PARVG: variants seen among roughly 807,000 people sequenced by gnomAD.
PARVG encodes parvin gamma.
Under a neutral mutation model 44.4 loss-of-function variants are expected in PARVG, and 36 were observed. The observed-to-expected ratio is 0.81, with a 90% confidence interval of 0.62 to 1.07. The LOEUF (loss-of-function observed/expected upper bound fraction) is 1.07. Among genes scored for constraint, PARVG ranks in the 50% least tolerant of loss-of-function variants. The pLI is 0.00. For missense variants in PARVG, 407 were observed against 407.4 expected (o/e 1.00, Z 0.01); for synonymous variants, 170 against 174.1 (o/e 0.98, Z 0.19).
At chr22:44,186,913 T>G (rs760320749) in intron 4 of PARVG, 3 of 323,334 alleles carry the variant, frequency 9.3e-6, no homozygotes, top group African/African-American at 2.2e-5. Flanking sequence ...CCCGACAACC[T>G]CCTGACAACC....
intron 4 of PARVG, 105 bp downstream of exon 4, chr22:44,185,977 A>G: frequency 2.6e-6 from 3 of 1,151,576 alleles, no homozygotes; most frequent in Non-Finnish European, 3.7e-6. Context: ...CCTTGGCCTC[A>G]GGCTGGGGGG....
At chr22:44,199,259 A>G (rs1173964576) in intron 12 of PARVG, among the ~76,000 whole-genome samples, 4 of 151,580 alleles carry the variant, frequency 2.6e-5, no homozygotes, top group African/African-American at 4.9e-5. Context: ...TAGGAAGTTT[A>G]TCTATATGTC....
chr22:44,193,177 A>C (rs2054572323), intron 8 of PARVG, among the ~76,000 whole-genome samples: 1 of 152,204 alleles, frequency 6.6e-6, no homozygotes, highest in Non-Finnish European at 1.5e-5. Flanking sequence ...CTGGACCTAC[A>C]GAACTTCTCT....
chr22:44,181,846 C>T lies in PARVG; in HGVS notation c.-84C>T. ...AGACCCCAGAAGAACCCGGAACTTG[C>T]TTCCATTCGGAATCCAGGGACCACC... is the stretch of plus-strand genomic sequence containing the variant. On this transcript the variant is annotated 5_prime_UTR_variant, in exon 2 of 14. Transcript: ENST00000444313. 8.1e-6 allele frequency: 8 copies of T among 985,516 alleles called. No homozygotes were observed. Among genetic ancestry groups the T allele is most frequent in the Non-Finnish European group, 9.6e-6 (8 of 829,986 alleles). 61.0% of individuals were successfully genotyped at this position (985,516 alleles called of 1,614,324 possible). A position where few individuals can be genotyped will look rare whatever the true frequency, so the allele number is the denominator to read the frequency against.
intron 1 of PARVG, among the ~76,000 whole-genome samples, chr22:44,175,521 G>A (rs1342254775): frequency 6.6e-6 from 1 of 152,256 alleles, no homozygotes; most frequent in South Asian, 2.1e-4. Context: ...CCACTCTTTG[G>A]GGTTTAAATT....
intron 12 of PARVG, among the ~76,000 whole-genome samples, chr22:44,201,655 G>A (rs2054710812): frequency 6.6e-6 from 1 of 152,208 alleles, no homozygotes; most frequent in Non-Finnish European, 1.5e-5. Context: ...CAAACGTGCT[G>A]CTTAACAAAC....
At chr22:44,174,546 AAAAC>A (rs1169487527) in intron 1 of PARVG, among the ~76,000 whole-genome samples, 2 of 134,218 alleles carry the variant, frequency 1.5e-5, no homozygotes, top group Non-Finnish European at 3.2e-5. Flanking sequence ...GTCTCCGCTA[AAAAC>A]AAACAAACAA....
At chr22:44,195,534 G>A (rs928819569) in intron 9 of PARVG, among the ~76,000 whole-genome samples, 4 of 152,226 alleles carry the variant, frequency 2.6e-5, no homozygotes, top group East Asian at 1.9e-4. Context: ...ATGGGCACCC[G>A]AGGCTGGACC....
At chr22:44,206,138 G>C (rs1378472416) in intron 13 of PARVG, among the ~76,000 whole-genome samples, 179 bp from the exon 14 acceptor site, 1 of 152,102 alleles carries the variant, frequency 6.6e-6, no homozygotes, top group East Asian at 1.9e-4. Flanking sequence ...CCAGGAGGAG[G>C]AGGCAGTCAC....
Position 44,182,040 on chromosome 22 carries a change from C to G in PARVG, c.-13+123C>G. On this transcript the variant is annotated intron_variant, in intron 2 of 13. Coordinates refer to ENST00000444313, the MANE Select transcript of PARVG (RefSeq NM_022141.7). This position sits in a 1 kb window ranked among gnomAD's most constrained non-coding sequence, Gnocchi z 4.6. ...GCCCAGGCCACCCGGGGAAGGGAGT[C>G]GGTAAAGTGGGACCTTGAGTCCCCA... 1.2e-6 allele frequency: 1 copy of G among 811,648 alleles called. No homozygotes were observed. Among genetic ancestry groups the G allele is most frequent in the Non-Finnish European group, 1.5e-6 (1 of 671,454 alleles). 50.3% of individuals were successfully genotyped at this position (811,648 alleles called of 1,614,324 possible). A position where few individuals can be genotyped will look rare whatever the true frequency, so the allele number is the denominator to read the frequency against.
At chr22:44,186,661 T>A (rs1399511222) in intron 4 of PARVG, 3 of 470,994 alleles carry the variant, frequency 6.4e-6, no homozygotes, top group Non-Finnish European at 1.3e-5. Flanking sequence ...TGACATGTCG[T>A]CTCAGCTCGG....
At chr22:44,201,849 C>T (rs764285738) in intron 12 of PARVG, among the ~76,000 whole-genome samples, 8 of 152,224 alleles carry the variant, frequency 5.3e-5, no homozygotes, top group African/African-American at 9.6e-5. Context: ...CTTCTGGGAC[C>T]AGCAGCTGGC....
rs1014956160 is a variant in PARVG at position 44,181,015 on chromosome 22, C to G, written c.-359C>G. ...GAACCCTGCTATGCCTTTGCATACGCTGTTTTCTCCACCTGCCACGTTCTC... is the reference window on the plus strand; with the variant it reads ...GAACCCTGCTATGCCTTTGCATACGGTGTTTTCTCCACCTGCCACGTTCTC... On this transcript the variant is annotated 5_prime_UTR_variant, in exon 1 of 14. Transcript: ENST00000444313. The G allele has an allele frequency of 5.1e-6, 5 of 978,478 alleles. No individual in the cohort carries two copies. Among genetic ancestry groups the G allele is most frequent in the African/African-American group, 1.8e-5 (1 of 57,066 alleles). The allele number at this position is 978,478 out of a possible 1,614,324, so 60.6% of individuals were successfully genotyped here.
At position 44,207,406 on chromosome 22, in the gene PARVG, CGGGTGAGGCTGGCGGGGAG is replaced by C. The variant is rs1266934123; in HGVS notation, c.*993_*1011del. On this transcript the variant is annotated 3_prime_UTR_variant, in exon 14 of 14. Transcript: ENST00000444313. ...GCGGGGAGGGGAGGGTTTGTGGGGA[CGGGTGAGGCTGGCGGGGAG>C]GGGTGAGGCTGGTGGGGAGGGCTGG... 3 of 14,724 alleles carry C rather than the reference CGGGTGAGGCTGGCGGGGAG, an allele frequency of 2.0e-4. No individual in the cohort carries two copies. The highest frequency in any genetic ancestry group is 2.5e-3 in the East Asian group (1 of 402). The allele number at this position is 14,724 out of a possible 1,614,324, so 0.9% of individuals were successfully genotyped here. A position where few individuals can be genotyped will look rare whatever the true frequency, so the allele number is the denominator to read the frequency against.
upstream of PARVG, among the ~76,000 whole-genome samples, chr22:44,179,341 T>TACATCA (rs1412828165): frequency 6.6e-6 from 1 of 152,236 alleles, no homozygotes; most frequent in East Asian, 1.9e-4. This position sits in a 1 kb window ranked among gnomAD's most constrained non-coding sequence, Gnocchi z 4.2. Context: ...ATCTGATTCT[T>TACATCA]ACATCAGCCC....
intron 12 of PARVG, among the ~76,000 whole-genome samples, chr22:44,201,903 C>T (rs2147239807): frequency 6.6e-6 from 1 of 152,344 alleles, no homozygotes; most frequent in East Asian, 1.9e-4. Context: ...CATGAGAGAC[C>T]AGGCAGAAGG....
At chr22:44,187,932 G>T in intron 5 of PARVG, 54 bp downstream of exon 5, 1 of 1,580,846 alleles carries the variant, frequency 6.3e-7, no homozygotes, top group Non-Finnish European at 8.7e-7. Context: ...CCCTGACCTG[G>T]CCCCTCCAGG....
chr22:44,181,219 C>T, intron 1 of PARVG, 34 bp downstream of exon 1: 1 of 572,432 alleles, frequency 1.7e-6, no homozygotes, highest in Non-Finnish European at 2.2e-6. Flanking sequence ...ACAGACCACG[C>T]ACAGCCTGGA....
intron 6 of PARVG, 30 bp from the exon 7 acceptor site, chr22:44,190,521 G>C (rs757705485): frequency 1.3e-6 from 2 of 1,577,256 alleles, no homozygotes; most frequent in African/African-American, 1.3e-5. Flanking sequence ...CGGCCTCCTG[G>C]GCTCTGACCT....
Sources: gnomAD v4.1 joint callset for allele counts (sites outside exome capture counted in the v4.1 genomes callset) on GRCh38, gnomAD v4.1.1 for gene constraint, Gnocchi (gnomAD v3.1) non-coding constraint, MANE v1.5 for transcripts, NCBI Gene and HGNC (gene_info 2026-07-23, HGNC 2026-07-21) for gene names.